TNFRSF10A: variants seen among roughly 807,000 people sequenced by gnomAD.
TNFRSF10A encodes the protein tumor necrosis factor receptor superfamily member 10A.
Under a neutral mutation model 42.8 loss-of-function variants are expected in TNFRSF10A, and 44 were observed. That is an observed-to-expected ratio of 1.03 (90% CI 0.81 to 1.32). The LOEUF is 1.32. Ranked by LOEUF, TNFRSF10A falls within the 40% of genes most tolerant of loss-of-function variation. The probability of loss-of-function intolerance (pLI) is 0.00; values close to 1 mark genes in which losing one functional copy is unlikely to be tolerated. For synonymous variants in TNFRSF10A, 259 were observed against 234.2 expected (o/e 1.11, Z -0.97); for missense variants, 680 against 602.0 (o/e 1.13, Z -1.36).
In TNFRSF10A at chr8:23,191,673, A is replaced by G; in HGVS notation, c.*21T>C. 3.7e-6 allele frequency: 6 copies of G among 1,601,058 alleles called. No homozygotes were observed. The highest frequency in any genetic ancestry group is 5.1e-6 in the Non-Finnish European group (6 of 1,174,586). ...ATTAACTCCTAACACCTAAGAGGAA[A>G]CCTCTGGTAAAAAGAGTCTTTCACT... On this transcript the variant is annotated 3_prime_UTR_variant, in exon 10 of 10. Coordinates refer to ENST00000221132, the MANE Select transcript of TNFRSF10A (RefSeq NM_003844.4).
intron 8 of TNFRSF10A, among the ~76,000 whole-genome samples, chr8:23,198,620 GAAAAA>G (rs139347983): frequency 6.7e-6 from 1 of 149,944 alleles, no homozygotes; most frequent in African/African-American, 2.5e-5. Flanking sequence ...GCAAAAAAAA[GAAAAA>G]AAAAGAAAAG....
chr8:23,193,663 T>C (rs1800784152), intron 9 of TNFRSF10A, among the ~76,000 whole-genome samples: 1 of 152,116 alleles, frequency 6.6e-6, no homozygotes, highest in Non-Finnish European at 1.5e-5. Context: ...TTGAAAGCAA[T>C]TTTTGTTGGC....
intron 1 of TNFRSF10A, among the ~76,000 whole-genome samples, chr8:23,219,076 G>C (rs537676407): frequency 1.3e-5 from 2 of 152,028 alleles, no homozygotes; most frequent in Admixed American, 6.5e-5. Flanking sequence ...CCTGGAGCCG[G>C]CACAGCCTCT....
chr8:23,207,290 A>G, intron 2 of TNFRSF10A: 1 of 600,954 alleles, frequency 1.7e-6, no homozygotes, highest in South Asian at 1.4e-5. Context: ...ATTAGGCCTG[A>G]TGGAGAGAAG....
intron 1 of TNFRSF10A, among the ~76,000 whole-genome samples, chr8:23,216,790 A>T (rs1278237571): frequency 3.3e-5 from 5 of 152,090 alleles, no homozygotes; most frequent in African/African-American, 7.2e-5. Context: ...TTCATTCGTG[A>T]ACTATGAGTT....
intron 9 of TNFRSF10A, among the ~76,000 whole-genome samples, chr8:23,195,538 T>C (rs993372283): frequency 2.0e-5 from 3 of 152,366 alleles, no homozygotes; most frequent in African/African-American, 4.8e-5. Context: ...TGGAACACAG[T>C]TGGATAAAAT....
Position 23,200,771 on chromosome 8 carries a change from A to T in TNFRSF10A, c.630-11T>A. On this transcript the variant is annotated splice_polypyrimidine_tract_variant and intron_variant, in intron 4 of 9. Coordinates refer to ENST00000221132, the MANE Select transcript of TNFRSF10A (RefSeq NM_003844.4). Reference sequence around the variant, plus strand: ...ATCCCTCTGGGGCACCTGGGTACACACAGGGAGGGAGGGGGGGGACTCTTG... The same window carrying T: ...ATCCCTCTGGGGCACCTGGGTACACTCAGGGAGGGAGGGGGGGGACTCTTG... 1.1e-6 allele frequency: 1 copy of T among 889,874 alleles called. No homozygotes were observed. Among genetic ancestry groups the T allele is most frequent in the Non-Finnish European group, 1.8e-6 (1 of 569,314 alleles). The allele number at this position is 889,874 out of a possible 1,614,324, so 55.1% of individuals were successfully genotyped here.
intron 1 of TNFRSF10A, among the ~76,000 whole-genome samples, chr8:23,213,586 T>TACAGGCGCCTCCTGCCTCAGCCTCAC (rs1414808108): frequency 6.6e-6 from 1 of 151,872 alleles, no homozygotes; most frequent in Admixed American, 6.6e-5. Context: ...TAGCTGGGAC[T>TACAGGCGCCTCCTGCCTCAGCCTCAC]ACAGGCGCCC....
At chr8:23,195,370 G>A (rs1371515717) in intron 9 of TNFRSF10A, among the ~76,000 whole-genome samples, 1 of 152,084 alleles carries the variant, frequency 6.6e-6, no homozygotes, top group Non-Finnish European at 1.5e-5. Flanking sequence ...TAGCCTTTAA[G>A]TATACTTTAA....
chr8:23,220,884 T>C (rs894597093), intron 1 of TNFRSF10A, among the ~76,000 whole-genome samples: 5 of 152,340 alleles, frequency 3.3e-5, no homozygotes, highest in South Asian at 2.1e-4. Context: ...TGCAGCCACA[T>C]GGATGGAGAC....
At chr8:23,215,638 T>C (rs1397462295) in intron 1 of TNFRSF10A, among the ~76,000 whole-genome samples, 1 of 152,218 alleles carries the variant, frequency 6.6e-6, no homozygotes, top group Non-Finnish European at 1.5e-5. Context: ...CTAAGTAGTG[T>C]TTTTTAAGAA....
At chr8:23,203,880 G>A (rs1164898322) in intron 2 of TNFRSF10A, among the ~76,000 whole-genome samples, 9 of 151,648 alleles carry the variant, frequency 5.9e-5, no homozygotes, top group Admixed American at 5.3e-4. Flanking sequence ...GGGTTCAAGC[G>A]ATTCTCCTGC....
chr8:23,218,262 T>A (rs1369185278), intron 1 of TNFRSF10A, among the ~76,000 whole-genome samples: 3 of 152,098 alleles, frequency 2.0e-5, no homozygotes, highest in African/African-American at 7.2e-5. Flanking sequence ...CCCTGCCTCT[T>A]CCTGAGATGA....
Position 23,224,933 on chromosome 8 carries a change from C to T in TNFRSF10A, c.129G>A (p.Gly43=), listed in dbSNP as rs1303306331. 2 of 1,599,574 alleles carry T rather than the reference C, an allele frequency of 1.3e-6. No homozygotes were observed. The highest frequency in any genetic ancestry group is 1.7e-6 in the Non-Finnish European group (2 of 1,173,378). ...TPSKVWGSSA[G]RIEPRGGGRG... ...GGCCCCCGCCTCGTGGTTCAATCCTCCCCGCGGAAGAGCCCCACACTTTGC... is the reference window on the plus strand; with the variant it reads ...GGCCCCCGCCTCGTGGTTCAATCCTTCCCGCGGAAGAGCCCCACACTTTGC... Residue 43 remains glycine (G), a synonymous_variant, in exon 1 of 10, where the codon GGG becomes GGA. Transcript: ENST00000221132.
At position 23,191,352 on chromosome 8, in the gene TNFRSF10A, G is replaced by C. The variant is rs1800750155; in HGVS notation, c.*342C>G. On this transcript the variant is annotated 3_prime_UTR_variant, in exon 10 of 10. Coordinates refer to ENST00000221132, the MANE Select transcript of TNFRSF10A (RefSeq NM_003844.4). The stretch of plus-strand genomic sequence containing the variant: ...AGACAGAGTCTTGCTCTGTGTCCCA[G>C]GCTGGAGTGCAGTGGTGCAATCTCA... 1 of 321,712 alleles carries C rather than the reference G, an allele frequency of 3.1e-6. No individual in the cohort carries two copies. The highest frequency in any genetic ancestry group is 5.7e-6 in the Non-Finnish European group (1 of 176,332). The allele number at this position is 321,712 out of a possible 1,614,324, so 19.9% of individuals were successfully genotyped here. A position where few individuals can be genotyped will look rare whatever the true frequency, so the allele number is the denominator to read the frequency against.
chr8:23,191,480 T>C lies in TNFRSF10A; in HGVS notation c.*214A>G, dbSNP rs1489911196. On this transcript the variant is annotated 3_prime_UTR_variant, in exon 10 of 10. Transcript: ENST00000221132. The stretch of plus-strand genomic sequence containing the variant: ...CATCCAGTTAATTTTTGTATTTTTT[T>C]GTAAAGACGGCATTTCACGATGTTG... The C allele has an allele frequency of 1.5e-6, 1 of 647,728 alleles. No individual in the cohort carries two copies. Among genetic ancestry groups the C allele is most frequent in the Non-Finnish European group, 2.6e-6 (1 of 391,450 alleles). The allele number at this position is 647,728 out of a possible 1,614,324, so 40.1% of individuals were successfully genotyped here.
At chr8:23,193,734 T>A (rs781598659) in intron 9 of TNFRSF10A, among the ~76,000 whole-genome samples, 1 of 152,246 alleles carries the variant, frequency 6.6e-6, no homozygotes, top group African/African-American at 2.4e-5. Flanking sequence ...GTCTGGACAC[T>A]CTTGGAGCTT....
chr8:23,197,284 C>A, intron 8 of TNFRSF10A, 80 bp from the exon 9 acceptor site: 1 of 1,534,778 alleles, frequency 6.5e-7, no homozygotes, highest in Non-Finnish European at 9.0e-7. Context: ...TCAGCCAGCC[C>A]GGAAACCTGC....
At chr8:23,217,508 G>C (rs4496974) in intron 1 of TNFRSF10A, among the ~76,000 whole-genome samples, 1 of 151,862 alleles carries the variant, frequency 6.6e-6, no homozygotes, top group Non-Finnish European at 1.5e-5. Context: ...GAGCCACTGC[G>C]CCCGGCCTGA....
Sources: gnomAD v4.1 joint callset for allele counts (sites outside exome capture counted in the v4.1 genomes callset) on GRCh38, gnomAD v4.1.1 for gene constraint, MANE v1.5 for transcripts, NCBI Gene and HGNC (gene_info 2026-07-23, HGNC 2026-07-21) for gene names.